Variants in EPHA6 observed in about 807,000 individuals in gnomAD.
EPHA6 encodes the protein EPH receptor A6.
A neutral mutation model predicts 112.0 loss-of-function variants in EPHA6; 50 were observed. That is an observed-to-expected ratio of 0.45 (90% CI 0.36 to 0.56). EPHA6 has a LOEUF of 0.56. Among genes scored for constraint, EPHA6 ranks in the 20% least tolerant of loss-of-function variants. The pLI is 0.00. For missense variants in EPHA6, 1,280 were observed against 1,417.4 expected (o/e 0.90, Z 1.56); for synonymous variants, 529 against 490.7 (o/e 1.08, Z -1.03).
At chr3:97,087,226 C>T (rs764601612) in intron 3 of EPHA6, among the ~76,000 whole-genome samples, 76 of 152,206 alleles carry the variant, frequency 5.0e-4, no homozygotes, top group Non-Finnish European at 8.1e-4. Context: ...TGCATGGAGC[C>T]TCCTCTGTTC....
At chr3:97,578,404 G>T (rs917979682) in intron 11 of EPHA6, among the ~76,000 whole-genome samples, 8 of 152,168 alleles carry the variant, frequency 5.3e-5, no homozygotes, top group Non-Finnish European at 1.2e-4. Flanking sequence ...ATACTTCCTG[G>T]AAATTGCAAA....
intron 7 of EPHA6, among the ~76,000 whole-genome samples, chr3:97,467,660 T>A (rs2091099932): frequency 6.6e-6 from 1 of 151,782 alleles, no homozygotes; most frequent in South Asian, 2.1e-4. Context: ...AAATATTCTT[T>A]GAGAAAAATG....
At chr3:97,017,488 T>A (rs2044303409) in intron 3 of EPHA6, among the ~76,000 whole-genome samples, 2 of 152,162 alleles carry the variant, frequency 1.3e-5, no homozygotes, top group Non-Finnish European at 2.9e-5. Context: ...CACCCGCACA[T>A]GCTAAAGTGC....
intron 9 of EPHA6, among the ~76,000 whole-genome samples, chr3:97,482,139 G>GA (rs71113856): frequency 6.6e-6 from 1 of 152,028 alleles, no homozygotes; most frequent in Non-Finnish European, 1.5e-5. Flanking sequence ...ATGTTTATAA[G>GA]AAAAAAATGT....
Position 97,101,807 on chromosome 3 carries a change from CTTATT to C in EPHA6, c.1114+113818_1114+113822del, listed in dbSNP as rs148922740. 2.8e-3 allele frequency among the ~76,000 whole-genome samples: 425 copies of C among 152,162 alleles called. 1 individual carries two copies. Among genetic ancestry groups the C allele is most frequent in the Non-Finnish European group, 5.5e-3 (372 of 67,982 alleles). On this transcript the variant is annotated intron_variant, in intron 3 of 17. Transcript: ENST00000389672. Reference sequence around the variant, plus strand: ...ATGCAAAAGATTGATTAAATATCTTCTTATTTTAATTTTATTTTTGTTGGATTGTA... The same window carrying C: ...ATGCAAAAGATTGATTAAATATCTTCTTAATTTTATTTTTGTTGGATTGTA...
chr3:96,984,481 G>A (rs2042940779), intron 2 of EPHA6, among the ~76,000 whole-genome samples: 1 of 152,188 alleles, frequency 6.6e-6, no homozygotes, highest in Admixed American at 6.5e-5. Flanking sequence ...GTGCCTCCCA[G>A]TTAGGCTACT....
chr3:96,858,281 G>C (rs1174791150), intron 1 of EPHA6, among the ~76,000 whole-genome samples: 1 of 152,086 alleles, frequency 6.6e-6, no homozygotes, highest in African/African-American at 2.4e-5. Context: ...AGCTAAGTTA[G>C]GGTTGATACT....
intron 6 of EPHA6, among the ~76,000 whole-genome samples, chr3:97,445,761 C>T (rs574880866): frequency 1.3e-5 from 2 of 150,808 alleles, no homozygotes; most frequent in East Asian, 2.0e-4. Flanking sequence ...AAAGCTTGAT[C>T]ATGAAAAAAA....
intron 5 of EPHA6, among the ~76,000 whole-genome samples, chr3:97,277,108 G>T (rs1185189502): frequency 6.6e-6 from 1 of 152,132 alleles, no homozygotes; most frequent in African/African-American, 2.4e-5. Context: ...GCTTGGGGTT[G>T]GAACTGAGGG....
At chr3:97,132,776 TAGA>T (rs1393302932) in intron 3 of EPHA6, among the ~76,000 whole-genome samples, 3 of 151,994 alleles carry the variant, frequency 2.0e-5, no homozygotes, top group African/African-American at 4.8e-5. Flanking sequence ...TGGCTCTGAG[TAGA>T]AGAATATTGT....
intron 3 of EPHA6, among the ~76,000 whole-genome samples, chr3:97,112,681 T>C (rs975411953): frequency 2.0e-5 from 3 of 152,116 alleles, no homozygotes; most frequent in African/African-American, 7.2e-5. Flanking sequence ...AATGAAAATT[T>C]TAGACTATTT....
intron 14 of EPHA6, among the ~76,000 whole-genome samples, chr3:97,702,547 G>A (rs2033453896): frequency 6.6e-6 from 1 of 151,864 alleles, no homozygotes; most frequent in East Asian, 1.9e-4. Context: ...ATGTAGCACA[G>A]AGAGAAACTT....
chr3:97,754,764 C>G lies in EPHA6; in HGVS notation c.*6063C>G, dbSNP rs1445248049. On this transcript the variant is annotated 3_prime_UTR_variant, in exon 18 of 18. Transcript: ENST00000389672. The stretch of plus-strand genomic sequence containing the variant: ...TGTCGCCTAGGCTGGAGTGCAGTGG[C>G]GAGATCTCGGCTCACTGCTAACTCC... Among the ~76,000 whole-genome samples the G allele has an allele frequency of 6.6e-6, 1 of 152,048 alleles. No individual in the cohort carries two copies. Among genetic ancestry groups the G allele is most frequent in the East Asian group, 1.9e-4 (1 of 5,166 alleles).
intron 3 of EPHA6, among the ~76,000 whole-genome samples, chr3:97,087,284 C>G (rs2108218250): frequency 6.6e-6 from 1 of 152,178 alleles, no homozygotes; most frequent in South Asian, 2.1e-4. Flanking sequence ...GATGTTGTGT[C>G]TAGACTTCTG....
At chr3:97,455,213 G>A (rs1241646866) in intron 7 of EPHA6, among the ~76,000 whole-genome samples, 2 of 151,976 alleles carry the variant, frequency 1.3e-5, no homozygotes, top group East Asian at 1.9e-4. Context: ...CAAGTTTAAC[G>A]TAAGTTCAAA....
intron 10 of EPHA6, among the ~76,000 whole-genome samples, chr3:97,516,564 A>G (rs189046487): frequency 1.6e-3 from 239 of 152,306 alleles, no homozygotes; most frequent in African/African-American, 5.5e-3. Context: ...ATGGGTGACT[A>G]TCCAGATAAC....
chr3:97,668,997 G>A (rs1339288532), intron 14 of EPHA6, among the ~76,000 whole-genome samples: 1 of 139,602 alleles, frequency 7.2e-6, no homozygotes, highest in Non-Finnish European at 1.5e-5. Flanking sequence ...CATTCATTAT[G>A]CTAATTATTA....
chr3:97,278,062 T>C (rs2080157456), intron 5 of EPHA6, among the ~76,000 whole-genome samples: 1 of 152,230 alleles, frequency 6.6e-6, no homozygotes, highest in Non-Finnish European at 1.5e-5. Flanking sequence ...ATAATTTCCG[T>C]TTATCTGTTG....
intron 14 of EPHA6, among the ~76,000 whole-genome samples, chr3:97,642,600 C>G (rs1461152750): frequency 1.3e-5 from 2 of 151,956 alleles, no homozygotes; most frequent in East Asian, 3.9e-4. Flanking sequence ...CTTAAAGGAG[C>G]TGATGGGGCT....
Sources: allele counts gnomAD v4.1 joint callset (sites outside exome capture counted in the v4.1 genomes callset), GRCh38; gene constraint gnomAD v4.1.1; transcripts MANE v1.5; gene names NCBI Gene and HGNC (gene_info 2026-07-23, HGNC 2026-07-21).